The following TSHZ2 variants were observed in gnomAD, a reference collection of about 807,000 sequenced individuals.
TSHZ2 encodes the protein teashirt homolog 2.
In TSHZ2, 21 loss-of-function variants were observed where a neutral mutation model predicts 74.4. The ratio of observed to expected loss-of-function variants is 0.28; its 90% CI spans 0.20 to 0.41. The LOEUF (loss-of-function observed/expected upper bound fraction) is 0.41. Among genes scored for constraint, TSHZ2 ranks in the 10% least tolerant of loss-of-function variants. The pLI, the probability that TSHZ2 is intolerant of heterozygous loss-of-function variation, is 1.00. For missense variants in TSHZ2, 1,244 were observed against 1,293.5 expected (o/e 0.96, Z 0.59); for synonymous variants, 540 against 515.3 (o/e 1.05, Z -0.65).
At chr20:53,472,586 A>G (rs1985845474) in intron 2 of TSHZ2, among the ~76,000 whole-genome samples, 1 of 152,194 alleles carries the variant, frequency 6.6e-6, no homozygotes, top group Non-Finnish European at 1.5e-5. Context: ...ACCAGCACGC[A>G]GACGATATTT....
intron 1 of TSHZ2, among the ~76,000 whole-genome samples, chr20:53,107,052 C>T (rs1012191600): frequency 3.3e-5 from 5 of 152,116 alleles, no homozygotes; most frequent in Non-Finnish European, 5.9e-5. Flanking sequence ...GTATCTTTCC[C>T]GTTGCTGTTT....
At chr20:53,001,151 C>T (rs1019801827) in intron 1 of TSHZ2, among the ~76,000 whole-genome samples, 2 of 151,052 alleles carry the variant, frequency 1.3e-5, no homozygotes, top group South Asian at 4.2e-4. Flanking sequence ...TCTATGAACC[C>T]CAGAGAGACC....
intron 2 of TSHZ2, among the ~76,000 whole-genome samples, chr20:53,313,646 T>C (rs1473616649): frequency 1.3e-5 from 2 of 152,244 alleles, no homozygotes; most frequent in African/African-American, 2.4e-5. Flanking sequence ...TGAAGTGCCT[T>C]ACTTGGCTGA....
At chr20:53,369,433 G>A (rs185464968) in intron 2 of TSHZ2, among the ~76,000 whole-genome samples, 7 of 151,996 alleles carry the variant, frequency 4.6e-5, no homozygotes, top group African/African-American at 9.6e-5. Context: ...GAGGCCGAGC[G>A]CTGTGGCTCC....
intron 1 of TSHZ2, among the ~76,000 whole-genome samples, chr20:53,249,881 AAGAATCTTCT>A (rs1990288055): frequency 6.6e-6 from 1 of 152,250 alleles, no homozygotes; most frequent in African/African-American, 2.4e-5. Flanking sequence ...CCCTTTTACA[AAGAATCTTCT>A]AGCAGTTCAC....
At chr20:53,463,266 T>A (rs1985436140) in intron 2 of TSHZ2, among the ~76,000 whole-genome samples, 1 of 151,994 alleles carries the variant, frequency 6.6e-6, no homozygotes, top group Non-Finnish European at 1.5e-5. Context: ...GGCTGATGCC[T>A]GCAATCTTAG....
At chr20:52,977,212 G>A (rs1328433183) in intron 1 of TSHZ2, among the ~76,000 whole-genome samples, 1 of 152,062 alleles carries the variant, frequency 6.6e-6, no homozygotes, top group Non-Finnish European at 1.5e-5. Flanking sequence ...GAGGGGGCAG[G>A]CAGCTCAGGG....
intron 1 of TSHZ2, among the ~76,000 whole-genome samples, chr20:52,990,210 A>T (rs1981928201): frequency 6.6e-6 from 1 of 152,116 alleles, no homozygotes; most frequent in Non-Finnish European, 1.5e-5. Flanking sequence ...GGAAAAAAAT[A>T]AACATTATTG....
At chr20:53,430,249 C>T (rs956564750) in intron 2 of TSHZ2, among the ~76,000 whole-genome samples, 2 of 151,768 alleles carry the variant, frequency 1.3e-5, no homozygotes, top group Non-Finnish European at 2.9e-5. Flanking sequence ...GGACTACAGG[C>T]TCCCTCCAAC....
intron 1 of TSHZ2, among the ~76,000 whole-genome samples, chr20:53,071,719 G>A (rs568886493): frequency 6.6e-6 from 1 of 152,230 alleles, no homozygotes; most frequent in Admixed American, 6.5e-5. Flanking sequence ...AGGTGACATG[G>A]GTTTTATTGC....
chr20:53,034,968 A>C (rs990172273), intron 1 of TSHZ2, among the ~76,000 whole-genome samples: 7 of 152,164 alleles, frequency 4.6e-5, no homozygotes, highest in African/African-American at 1.7e-4. Flanking sequence ...GATTATAGAG[A>C]TCAGGATAGC....
intron 2 of TSHZ2, among the ~76,000 whole-genome samples, chr20:53,374,295 T>C (rs1981582876): frequency 6.6e-6 from 1 of 151,970 alleles, no homozygotes; most frequent in Admixed American, 6.5e-5. Flanking sequence ...TCCAGCTCCA[T>C]CCATATTGCT....
chr20:53,039,678 G>T (rs1216774059), intron 1 of TSHZ2, among the ~76,000 whole-genome samples: 1 of 152,086 alleles, frequency 6.6e-6, no homozygotes, highest in Non-Finnish European at 1.5e-5. Flanking sequence ...TACTGGGGAG[G>T]CTAAGGCATG....
intron 2 of TSHZ2, among the ~76,000 whole-genome samples, chr20:53,457,268 C>T (rs1985134158): frequency 7.0e-6 from 1 of 143,640 alleles, no homozygotes; most frequent in Non-Finnish European, 1.5e-5. Context: ...TGAAGAGGTC[C>T]TTCACATCCC....
intron 1 of TSHZ2, among the ~76,000 whole-genome samples, chr20:53,122,754 T>A (rs1986846977): frequency 6.6e-6 from 1 of 152,172 alleles, no homozygotes; most frequent in Non-Finnish European, 1.5e-5. Context: ...AGATATTGAA[T>A]CCCTGGGATG....
At chr20:53,432,603 A>G (rs1983885039) in intron 2 of TSHZ2, among the ~76,000 whole-genome samples, 1 of 152,248 alleles carries the variant, frequency 6.6e-6, no homozygotes, top group South Asian at 2.1e-4. Flanking sequence ...GCATATAAGC[A>G]TTCCCTTTTC....
chr20:53,412,096 C>G (rs1026727284), intron 2 of TSHZ2, among the ~76,000 whole-genome samples: 3 of 152,212 alleles, frequency 2.0e-5, no homozygotes, highest in African/African-American at 7.2e-5. Flanking sequence ...TTTCTGCTCA[C>G]TCTTAGCAGG....
intron 2 of TSHZ2, among the ~76,000 whole-genome samples, chr20:53,378,282 G>T (rs1255192711): frequency 1.3e-5 from 2 of 151,658 alleles, no homozygotes; most frequent in Non-Finnish European, 2.9e-5. Flanking sequence ...AGGGGCTGTT[G>T]TGAGCCAAGA....
At chr20:53,038,007 C>T (rs1983883839) in intron 1 of TSHZ2, among the ~76,000 whole-genome samples, 1 of 151,848 alleles carries the variant, frequency 6.6e-6, no homozygotes, top group Non-Finnish European at 1.5e-5. Flanking sequence ...TGCTGACAAG[C>T]TCCAAGCTTG....
Sources: gnomAD v4.1 joint callset for allele counts (sites outside exome capture counted in the v4.1 genomes callset) on GRCh38, gnomAD v4.1.1 for gene constraint, MANE v1.5 for transcripts, NCBI Gene and HGNC (gene_info 2026-07-23, HGNC 2026-07-21) for gene names.